Variants in BLTP3B observed in about 807,000 individuals in gnomAD.
BLTP3B encodes bridge-like lipid transfer protein family member 3B.
chr12:100,102,752 TGG>T, the BLTP3B span: 1 of 1,557,516 alleles, frequency 6.4e-7, no homozygotes, highest in Non-Finnish European at 8.7e-7. Context: ...TGCAGATTAA[TGG>T]AAGTAGCTTA....
chr12:100,126,558 TTC>T, the BLTP3B span, among the ~76,000 whole-genome samples: 9 of 152,084 alleles, frequency 5.9e-5, no homozygotes, highest in African/African-American at 2.2e-4. Context: ...TGTAGTAAAG[TTC>T]TCTTTTAAAA....
At chr12:100,095,184 C>G in the BLTP3B span, among the ~76,000 whole-genome samples, 3 of 152,154 alleles carry the variant, frequency 2.0e-5, no homozygotes, top group Non-Finnish European at 2.9e-5. Context: ...CTAATAATCA[C>G]TTTTAAGAAA....
the BLTP3B span, among the ~76,000 whole-genome samples, chr12:100,045,634 A>G: frequency 6.6e-6 from 1 of 152,220 alleles, no homozygotes; most frequent in Non-Finnish European, 1.5e-5. Context: ...CCGATTAGAA[A>G]ACCTAGGCAA....
At chr12:100,096,155 G>A in the BLTP3B span, among the ~76,000 whole-genome samples, 1 of 152,140 alleles carries the variant, frequency 6.6e-6, no homozygotes, top group East Asian at 1.9e-4. Flanking sequence ...CTTGGGAGGT[G>A]GAGGCAGGAG....
At chr12:100,095,725 C>T in the BLTP3B span, 1 of 1,613,596 alleles carries the variant, frequency 6.2e-7, no homozygotes, top group Non-Finnish European at 8.5e-7. Flanking sequence ...TATTGCTTCA[C>T]TAAGAGACTT....
chr12:100,137,836 C>T, the BLTP3B span, among the ~76,000 whole-genome samples: 1 of 152,186 alleles, frequency 6.6e-6, no homozygotes, highest in South Asian at 2.1e-4. Context: ...CTGCCTATTA[C>T]AGATGACTAA....
At chr12:100,120,049 A>T in the BLTP3B span, among the ~76,000 whole-genome samples, 9,563 of 152,292 alleles carry the variant, frequency 0.063, 332 homozygotes, top group Middle Eastern at 0.14. Context: ...AATTTTTTTT[A>T]AATTCTTACA....
the BLTP3B span, chr12:100,098,351 C>T: frequency 6.4e-7 from 1 of 1,573,734 alleles, no homozygotes; most frequent in Non-Finnish European, 8.6e-7. Context: ...AAAAATGTTA[C>T]CTCTCCTCTC....
At chr12:100,058,062 G>C in the BLTP3B span, 11 of 1,582,384 alleles carry the variant, frequency 7.0e-6, no homozygotes, top group African/African-American at 9.6e-5. Context: ...TGTTCTAACT[G>C]GGGGGGTCTC....
At chr12:100,063,569 G>T in the BLTP3B span, among the ~76,000 whole-genome samples, 1 of 152,162 alleles carries the variant, frequency 6.6e-6, no homozygotes, top group South Asian at 2.1e-4. Context: ...AGCCTGGTGT[G>T]GTGGCAGGTG....
the BLTP3B span, among the ~76,000 whole-genome samples, chr12:100,053,842 C>T: frequency 6.6e-6 from 1 of 152,136 alleles, no homozygotes; most frequent in Non-Finnish European, 1.5e-5. Context: ...ACATTAGTAT[C>T]TCCCTTATTC....
At chr12:100,088,094 G>C in the BLTP3B span, among the ~76,000 whole-genome samples, 2 of 151,868 alleles carry the variant, frequency 1.3e-5, no homozygotes, top group Admixed American at 1.3e-4. Flanking sequence ...AAGTATCCAG[G>C]GTCTCAATAT....
the BLTP3B span, chr12:100,037,667 A>T: frequency 1.9e-6 from 3 of 1,609,446 alleles, no homozygotes; most frequent in Non-Finnish European, 2.5e-6. Context: ...TATATGATGA[A>T]GAAGAGCATC....
chr12:100,051,740 T>G, the BLTP3B span: 1 of 152,156 alleles, frequency 6.6e-6, no homozygotes, highest in Admixed American at 6.6e-5. Flanking sequence ...AGAAGACATC[T>G]CTGATAAAAT....
At chr12:100,103,912 CCAAA>C in the BLTP3B span, 1 of 1,599,754 alleles carries the variant, frequency 6.3e-7, no homozygotes. Flanking sequence ...TCAGAACTCA[CCAAA>C]CAGATGGGAT....
At chr12:100,135,789 G>C in the BLTP3B span, among the ~76,000 whole-genome samples, 7 of 152,270 alleles carry the variant, frequency 4.6e-5, no homozygotes, top group African/African-American at 1.4e-4. Flanking sequence ...TCTTTGCCTA[G>C]TGTGTTAACT....
the BLTP3B span, among the ~76,000 whole-genome samples, chr12:100,135,018 G>C: frequency 6.6e-6 from 1 of 152,162 alleles, no homozygotes; most frequent in Non-Finnish European, 1.5e-5. Context: ...ATGGCTGCCA[G>C]AGTGATCCTT....
At chr12:100,072,135 G>T in the BLTP3B span, among the ~76,000 whole-genome samples, 1 of 152,086 alleles carries the variant, frequency 6.6e-6, no homozygotes, top group Non-Finnish European at 1.5e-5. Context: ...GGTGGTGCAT[G>T]CCTGTAATCC....
chr12:100,084,497 A>G, the BLTP3B span: 1 of 1,613,436 alleles, frequency 6.2e-7, no homozygotes, highest in Non-Finnish European at 8.5e-7. Flanking sequence ...TGCTGGGGAG[A>G]GGCATGTGTT....
Sources: allele counts gnomAD v4.1 joint callset (sites outside exome capture counted in the v4.1 genomes callset), GRCh38; gene constraint gnomAD v4.1.1; transcripts MANE v1.5; gene names NCBI Gene and HGNC (gene_info 2026-07-23, HGNC 2026-07-21).